The following CCDC171 variants were observed in gnomAD, a reference collection of about 807,000 sequenced individuals.
CCDC171 encodes the protein coiled-coil domain containing 171.
Under a neutral mutation model 168.2 loss-of-function variants are expected in CCDC171, and 177 were observed. The ratio of observed to expected loss-of-function variants is 1.05; its 90% CI spans 0.93 to 1.19. CCDC171 has a LOEUF of 1.19. CCDC171 is among the 50% of genes most tolerant of loss of function. The pLI is 0.00. For synonymous variants in CCDC171, 687 were observed against 540.8 expected (o/e 1.27, Z -3.75); for missense variants, 1,991 against 1,539.0 (o/e 1.29, Z -4.91).
intron 7 of CCDC171, among the ~76,000 whole-genome samples, chr9:15,638,529 T>G (rs953988344): frequency 6.6e-6 from 1 of 152,074 alleles, no homozygotes; most frequent in Non-Finnish European, 1.5e-5. Context: ...TTATTTAATA[T>G]CAGCAATATC....
At chr9:15,727,570 G>C (rs952154507) in intron 14 of CCDC171, among the ~76,000 whole-genome samples, 4 of 152,146 alleles carry the variant, frequency 2.6e-5, no homozygotes, top group Non-Finnish European at 5.9e-5. Flanking sequence ...GGAAACTTAA[G>C]CCTGAGCAGG....
chr9:15,628,380 C>G (rs1003830224), intron 7 of CCDC171, among the ~76,000 whole-genome samples: 1 of 152,170 alleles, frequency 6.6e-6, no homozygotes, highest in Non-Finnish European at 1.5e-5. Context: ...GATTATAACC[C>G]GCATCTGGCT....
chr9:15,742,676 C>T (rs1177632433), intron 16 of CCDC171, among the ~76,000 whole-genome samples: 1 of 152,188 alleles, frequency 6.6e-6, no homozygotes, highest in Non-Finnish European at 1.5e-5. Context: ...AATATGGCTG[C>T]CAAAGTTTAA....
intron 1 of CCDC171, among the ~76,000 whole-genome samples, chr9:16,049,933 C>T (rs1833723364): frequency 6.6e-6 from 1 of 152,180 alleles, no homozygotes; most frequent in Non-Finnish European, 1.5e-5. Flanking sequence ...GTCACACAGG[C>T]TGGAGTGCAG....
intron 18 of CCDC171, among the ~76,000 whole-genome samples, chr9:15,770,325 G>C (rs1332155659): frequency 6.6e-6 from 1 of 152,132 alleles, no homozygotes; most frequent in Non-Finnish European, 1.5e-5. Context: ...TATTTGAAAT[G>C]TCCTGTCTTG....
intron 6 of CCDC171, among the ~76,000 whole-genome samples, chr9:15,605,847 T>C (rs1371880799): frequency 1.3e-5 from 2 of 152,182 alleles, no homozygotes; most frequent in Non-Finnish European, 2.9e-5. Flanking sequence ...ATATTTTGCC[T>C]CCATCTTTTG....
intron 2 of CCDC171, among the ~76,000 whole-genome samples, chr9:15,569,844 AAC>A (rs199741750): frequency 0.037 from 4,162 of 112,718 alleles, 72 homozygotes; most frequent in Middle Eastern, 0.089. Flanking sequence ...AAAACAAACA[AAC>A]AAAAAAAAAA....
At chr9:15,678,545 C>A (rs2049805175) in intron 9 of CCDC171, among the ~76,000 whole-genome samples, 1 of 152,124 alleles carries the variant, frequency 6.6e-6, no homozygotes, top group Admixed American at 6.6e-5. Flanking sequence ...GGGCATACTA[C>A]AAATACCTAC....
chr9:15,569,581 C>T (rs570077865), intron 2 of CCDC171, among the ~76,000 whole-genome samples: 29 of 151,662 alleles, frequency 1.9e-4, no homozygotes, highest in Middle Eastern at 3.4e-3. Context: ...TTTGGGAGGC[C>T]GAGGCGGGCG....
intron 23 of CCDC171, 132 bp from the exon 24 acceptor site, chr9:15,874,400 T>C (rs1817569744): frequency 6.1e-6 from 4 of 660,966 alleles, no homozygotes; most frequent in Non-Finnish European, 9.6e-6. Context: ...AATCAATTAG[T>C]CCTAAATTTA....
At chr9:15,570,445 C>T (rs1351205491) in intron 2 of CCDC171, among the ~76,000 whole-genome samples, 2 of 151,586 alleles carry the variant, frequency 1.3e-5, no homozygotes. Flanking sequence ...AGGCATGCTT[C>T]TTTTCTATGC....
intron 7 of CCDC171, among the ~76,000 whole-genome samples, chr9:15,631,124 G>C (rs1314228445): frequency 2.0e-5 from 3 of 151,970 alleles, no homozygotes. Context: ...AGAGAAGCAA[G>C]AGCAAACACA....
At chr9:15,673,039 G>A (rs2049238587) in intron 9 of CCDC171, among the ~76,000 whole-genome samples, 1 of 152,086 alleles carries the variant, frequency 6.6e-6, no homozygotes, top group South Asian at 2.1e-4. Flanking sequence ...CTTGAGCAGT[G>A]GTTTGTAGTT....
chr9:16,091,432 T>A, the CCDC171 span, among the ~76,000 whole-genome samples: 1 of 152,178 alleles, frequency 6.6e-6, no homozygotes, highest in Non-Finnish European at 1.5e-5. Context: ...TGGCCATACA[T>A]GCTGAAGTCA....
chr9:15,853,675 T>G (rs2061230421), intron 23 of CCDC171, among the ~76,000 whole-genome samples: 1 of 151,668 alleles, frequency 6.6e-6, no homozygotes, highest in Non-Finnish European at 1.5e-5. Context: ...TTCTTCTTAA[T>G]CTTAAGGGGA....
chr9:16,033,777 C>T (rs575138109), intron 6 of CCDC171, among the ~76,000 whole-genome samples: 51 of 151,832 alleles, frequency 3.4e-4, no homozygotes, highest in African/African-American at 1.2e-3. Context: ...CTGTATTAAC[C>T]TCCCATAGTC....
intron 12 of CCDC171, among the ~76,000 whole-genome samples, chr9:15,722,467 A>C (rs1333548206): frequency 6.6e-6 from 1 of 152,184 alleles, no homozygotes; most frequent in Non-Finnish European, 1.5e-5. Flanking sequence ...TGGGTTGATA[A>C]TTTTCTTGGG....
chr9:15,986,233 A>G (rs1303197175), intron 3 of CCDC171, among the ~76,000 whole-genome samples: 1 of 152,216 alleles, frequency 6.6e-6, no homozygotes, highest in Admixed American at 6.5e-5. Context: ...CAAAGAATTG[A>G]CCAATATGTA....
intron 3 of CCDC171, among the ~76,000 whole-genome samples, chr9:15,981,544 A>G (rs995349383): frequency 6.6e-6 from 1 of 152,214 alleles, no homozygotes; most frequent in East Asian, 1.9e-4. Flanking sequence ...TGATTTATGT[A>G]TGATGAGGAT....
Sources: gnomAD v4.1 joint callset for allele counts (sites outside exome capture counted in the v4.1 genomes callset) on GRCh38, gnomAD v4.1.1 for gene constraint, MANE v1.5 for transcripts, NCBI Gene and HGNC (gene_info 2026-07-23, HGNC 2026-07-21) for gene names.